NXPH1: variants seen among roughly 807,000 people sequenced by gnomAD.
The protein encoded by NXPH1 is neurexophilin 1.
In NXPH1, 5 loss-of-function variants were observed where a neutral mutation model predicts 23.7. The ratio of observed to expected loss-of-function variants is 0.21; its 90% CI spans 0.11 to 0.44. NXPH1 has a LOEUF of 0.44. NXPH1 is among the 20% of genes least tolerant of loss of function. NXPH1 has a pLI of 0.99. For synonymous variants in NXPH1, 144 were observed against 122.2 expected, an observed-to-expected ratio of 1.18 and a Z score of -1.18; for missense variants, 324 against 321.6, an observed-to-expected ratio of 1.01 and a Z score of -0.06.
chr7:8,723,969 A>G (rs902944003), intron 2 of NXPH1, among the ~76,000 whole-genome samples: 1 of 152,252 alleles, frequency 6.6e-6, no homozygotes, highest in African/African-American at 2.4e-5. Flanking sequence ...CTACTTTCCA[A>G]TAAGTAAGCA....
Position 8,434,618 on chromosome 7 carries a change from C to A in NXPH1, c.-248C>A, listed in dbSNP as rs1816155823. ...CCAAAGCTGGACGAGGCAGCCGGAC[C>A]CGTCTGCGCTCGAGCATGGAGACGG... On this transcript the variant is annotated 5_prime_UTR_variant, in exon 1 of 3. Transcript: ENST00000405863. The surrounding 1 kb of genome is among the most constrained non-coding windows in gnomAD (Gnocchi z 7.6). 6.5e-6 allele frequency: 1 copy of A among 152,730 alleles called. No homozygotes were observed. The highest frequency in any genetic ancestry group is 2.4e-5 in the African/African-American group (1 of 41,464). The allele number at this position is 152,730 out of a possible 1,614,324, so 9.5% of individuals were successfully genotyped here. A position where few individuals can be genotyped will look rare whatever the true frequency, so the allele number is the denominator to read the frequency against.
chr7:8,487,943 C>A (rs532055767), intron 2 of NXPH1, among the ~76,000 whole-genome samples: 1 of 151,996 alleles, frequency 6.6e-6, no homozygotes, highest in Non-Finnish European at 1.5e-5. Flanking sequence ...CATAGAATAA[C>A]GTATTAAAGA....
At chr7:8,638,473 T>C (rs1820253952) in intron 2 of NXPH1, among the ~76,000 whole-genome samples, 1 of 152,166 alleles carries the variant, frequency 6.6e-6, no homozygotes, top group Non-Finnish European at 1.5e-5. Context: ...ACCAAGGAAT[T>C]GTGTAAGATA....
chr7:8,571,058 AATCTAATCTAATCTAATCT>A (rs1187492177), intron 2 of NXPH1, among the ~76,000 whole-genome samples: 3 of 150,824 alleles, frequency 2.0e-5, no homozygotes, highest in East Asian at 4.0e-4. Flanking sequence ...AATCTAATCT[AATCTAATCTAATCTAATCT>A]AACTCTGGTT....
rs367831220 is a variant in NXPH1 at position 8,751,116 on chromosome 7, A to G, written c.163A>G (p.Ile55Val). The G allele has an allele frequency of 6.8e-6, 11 of 1,613,846 alleles. No individual in the cohort carries two copies. The highest frequency in any genetic ancestry group is 1.3e-5 in the African/African-American group (1 of 75,050). ...GACAGAAAGCAGCAAAGACTTGTCT[A>G]TCAGCCGACTCCTGTCACAGACTTT... is the stretch of plus-strand genomic sequence containing the variant. ...IWTESSKDLSISRLLSQTFRG... is the reference protein window; with the variant it reads ...IWTESSKDLSVSRLLSQTFRG... Residue 55 changes from isoleucine to valine, a missense_variant, in exon 3 of 3, where the codon ATC becomes GTC. Ile to Val is a conservative substitution (Grantham distance 29). Coordinates refer to ENST00000405863, the MANE Select transcript of NXPH1 (RefSeq NM_152745.3). This position sits in a 1 kb window ranked among gnomAD's most constrained non-coding sequence, Gnocchi z 4.5.
chr7:8,440,823 C>A (rs1439252884), intron 2 of NXPH1, among the ~76,000 whole-genome samples: 2 of 152,166 alleles, frequency 1.3e-5, no homozygotes, highest in African/African-American at 4.8e-5. Context: ...GAGATGCCTT[C>A]CCCATCCTCC....
intron 2 of NXPH1, among the ~76,000 whole-genome samples, chr7:8,614,799 C>T (rs1273279628): frequency 1.3e-5 from 2 of 151,950 alleles, no homozygotes; most frequent in African/African-American, 4.8e-5. Context: ...TCTCCTACTT[C>T]TCTGTAAAGA....
intron 2 of NXPH1, among the ~76,000 whole-genome samples, chr7:8,459,928 G>C (rs541290424): frequency 6.6e-5 from 10 of 152,238 alleles, no homozygotes; most frequent in Admixed American, 1.3e-4. Flanking sequence ...TGAAACATGG[G>C]TGCTTAGCCA....
At chr7:8,620,734 T>C (rs1819850514) in intron 2 of NXPH1, among the ~76,000 whole-genome samples, 1 of 152,222 alleles carries the variant, frequency 6.6e-6, no homozygotes, top group African/African-American at 2.4e-5. Flanking sequence ...TCTCCTTTCC[T>C]TAAAATGATT....
chr7:8,672,274 C>A (rs1423549743), intron 2 of NXPH1, among the ~76,000 whole-genome samples: 1 of 151,954 alleles, frequency 6.6e-6, no homozygotes, highest in Admixed American at 6.6e-5. Context: ...GGGAATTGAA[C>A]AATGAGAACA....
chr7:8,655,946 T>C (rs1184527257), intron 2 of NXPH1, among the ~76,000 whole-genome samples: 3 of 152,244 alleles, frequency 2.0e-5, no homozygotes, highest in Non-Finnish European at 4.4e-5. Context: ...TGTTTTACAA[T>C]ATTATATTTT....
At chr7:8,736,094 G>C (rs1200345090) in intron 2 of NXPH1, among the ~76,000 whole-genome samples, 1 of 152,044 alleles carries the variant, frequency 6.6e-6, no homozygotes, top group Non-Finnish European at 1.5e-5. Context: ...TGGATTCATT[G>C]ATTTTTTGAA....
chr7:8,617,925 T>A (rs1357855055), intron 2 of NXPH1, among the ~76,000 whole-genome samples: 1 of 152,116 alleles, frequency 6.6e-6, no homozygotes. Context: ...TATATACACC[T>A]ATGTACCCAC....
intron 2 of NXPH1, among the ~76,000 whole-genome samples, chr7:8,474,208 G>A (rs529353745): frequency 2.0e-5 from 3 of 152,226 alleles, no homozygotes; most frequent in Admixed American, 2.0e-4. Context: ...AGAATGAGGT[G>A]TATAAAAATA....
At chr7:8,744,107 T>G (rs750730568) in intron 2 of NXPH1, among the ~76,000 whole-genome samples, 7 of 152,240 alleles carry the variant, frequency 4.6e-5, no homozygotes, top group Non-Finnish European at 1.0e-4. Context: ...GCTTGGTCTT[T>G]GTTTAATGTT....
At chr7:8,669,200 C>T (rs1272690234) in intron 2 of NXPH1, among the ~76,000 whole-genome samples, 1 of 152,144 alleles carries the variant, frequency 6.6e-6, no homozygotes, top group Admixed American at 6.5e-5. Flanking sequence ...CAAGACTGGG[C>T]AGACATGGAG....
Position 8,751,102 on chromosome 7 carries a change from G to A in NXPH1, c.149G>A (p.Ser50Asn). 6.2e-7 allele frequency: 1 copy of A among 1,613,846 alleles called. No homozygotes were observed. Among genetic ancestry groups the A allele is most frequent in the Non-Finnish European group, 8.5e-7 (1 of 1,179,792 alleles). The change falls in exon 3 of 3, where the codon AGC becomes AAC. Residue 50 changes from serine (S) to asparagine (N), a missense_variant. Coordinates refer to ENST00000405863, the MANE Select transcript of NXPH1 (RefSeq NM_152745.3). The surrounding 1 kb of genome is among the most constrained non-coding windows in gnomAD (Gnocchi z 4.5). ...STLKHIWTES[S>N]KDLSISRLLS... The stretch of plus-strand genomic sequence containing the variant: ...CTAAAGCACATATGGACAGAAAGCA[G>A]CAAAGACTTGTCTATCAGCCGACTC...
intron 2 of NXPH1, among the ~76,000 whole-genome samples, chr7:8,465,327 T>C (rs779790548): frequency 5.3e-5 from 8 of 152,160 alleles, no homozygotes; most frequent in Non-Finnish European, 8.8e-5. Flanking sequence ...TTTAGAATAG[T>C]GGAATTTTCT....
At chr7:8,747,363 T>G (rs1044507974) in intron 2 of NXPH1, among the ~76,000 whole-genome samples, 1 of 152,234 alleles carries the variant, frequency 6.6e-6, no homozygotes, top group African/African-American at 2.4e-5. Flanking sequence ...TTGAATAGAT[T>G]GATTCTTCCT....
Sources: allele counts gnomAD v4.1 joint callset (sites outside exome capture counted in the v4.1 genomes callset), GRCh38; gene constraint gnomAD v4.1.1; non-coding constraint Gnocchi (gnomAD v3.1); transcripts MANE v1.5; gene names NCBI Gene and HGNC (gene_info 2026-07-23, HGNC 2026-07-21).